LRRIQ1: variants seen among roughly 807,000 people sequenced by gnomAD.
The protein encoded by LRRIQ1 is leucine-rich repeat- and IQ domain-containing protein 1.
LRRIQ1 carries 210 observed loss-of-function variants against 211.9 expected under a neutral mutation model. The ratio of observed to expected loss-of-function variants is 0.99; its 90% CI spans 0.89 to 1.11. The LOEUF is 1.11. Among genes scored for constraint, LRRIQ1 ranks in the 50% most tolerant of loss-of-function variants. The pLI, the probability that LRRIQ1 is intolerant of heterozygous loss-of-function variation, is 0.00. For missense variants in LRRIQ1, 2,136 were observed against 1,939.5 expected (o/e 1.10, Z -1.90); for synonymous variants, 699 against 650.1 (o/e 1.08, Z -1.14).
intron 2 of LRRIQ1, 130 bp downstream of exon 2, chr12:85,038,438 T>TTG: frequency 2.3e-6 from 1 of 435,152 alleles, no homozygotes; most frequent in Non-Finnish European, 3.5e-6. Flanking sequence ...TAAATATAAA[T>TTG]TATATTGAAT....
chr12:85,255,840 C>A (rs1278573252), intron 1 of LRRIQ1, among the ~76,000 whole-genome samples: 1 of 151,562 alleles, frequency 6.6e-6, no homozygotes, highest in East Asian at 1.9e-4. Context: ...AACACTTAAA[C>A]CCTTAAAATA....
intron 24 of LRRIQ1, among the ~76,000 whole-genome samples, chr12:85,225,818 A>C (rs1276354090): frequency 6.6e-6 from 1 of 152,200 alleles, no homozygotes; most frequent in South Asian, 2.1e-4. Context: ...TTCTTCCTAC[A>C]CAAGTTGCTA....
intron 19 of LRRIQ1, among the ~76,000 whole-genome samples, chr12:85,142,851 A>G (rs181883369): frequency 6.6e-6 from 1 of 151,448 alleles, no homozygotes; most frequent in Non-Finnish European, 1.5e-5. Context: ...TTCTTTGTTC[A>G]TGTATCCATT....
At chr12:85,172,808 G>T (rs1232826489) in intron 24 of LRRIQ1, among the ~76,000 whole-genome samples, 1 of 151,978 alleles carries the variant, frequency 6.6e-6, no homozygotes, top group African/African-American at 2.4e-5. Context: ...GATGAAGTGG[G>T]CATTAAAATA....
At chr12:85,250,405 A>G (rs1026876627) in intron 1 of LRRIQ1, among the ~76,000 whole-genome samples, 1 of 151,718 alleles carries the variant, frequency 6.6e-6, no homozygotes, top group African/African-American at 2.4e-5. Flanking sequence ...ATTTCCACAG[A>G]CCTAGCCTAT....
chr12:85,266,814 G>T (rs144369877), downstream of LRRIQ1, among the ~76,000 whole-genome samples: 393 of 152,228 alleles, frequency 2.6e-3, 3 homozygotes, highest in African/African-American at 9.1e-3. Flanking sequence ...AACAAGCCAA[G>T]GTGCTACAGG....
Position 85,251,204 on chromosome 12 carries a change from A to G in LRRIQ1, c.121+6295A>G, listed in dbSNP as rs114758663. 6.2e-3 allele frequency among the ~76,000 whole-genome samples: 932 copies of G among 150,782 alleles called. 7 individuals carry two copies. The highest frequency in any genetic ancestry group is 0.022 in the African/African-American group (898 of 41,162). ...CACAACATTTTAGTCTAGAAAGTGT[A>G]TTTGAGAGAAATTGAGGAAAAGCAT... On this transcript the variant is annotated intron_variant, in intron 1 of 1. Coordinates refer to the LRRIQ1 transcript ENST00000602731.
At chr12:85,038,449 A>G (rs932365140) in intron 2 of LRRIQ1, 141 bp downstream of exon 2, 4 of 393,306 alleles carry the variant, frequency 1.0e-5, no homozygotes, top group East Asian at 6.1e-5. Flanking sequence ...TATATTGAAT[A>G]TATATAGTCA....
chr12:85,240,350 A>G (rs1292503485), intron 26 of LRRIQ1, among the ~76,000 whole-genome samples: 1 of 152,150 alleles, frequency 6.6e-6, no homozygotes. Context: ...TCTCTCATGC[A>G]TTGCTGGTGA....
chr12:85,236,329 G>A (rs1895170514), intron 26 of LRRIQ1, among the ~76,000 whole-genome samples: 1 of 152,110 alleles, frequency 6.6e-6, no homozygotes, highest in Admixed American at 6.6e-5. Context: ...GTATATGACT[G>A]CTGTTTTCAG....
chr12:85,232,875 A>G, intron 26 of LRRIQ1, 119 bp downstream of exon 26: 1 of 685,038 alleles, frequency 1.5e-6, no homozygotes, highest in East Asian at 2.9e-5. Context: ...TCTATTTGGG[A>G]TAATATCAAA....
downstream of LRRIQ1, among the ~76,000 whole-genome samples, chr12:85,245,759 T>C (rs1038420418): frequency 2.0e-5 from 3 of 150,892 alleles, no homozygotes; most frequent in Non-Finnish European, 4.5e-5. Context: ...TACATTTTGT[T>C]AATTTCCCCA....
At chr12:85,125,573 A>G (rs1888319525) in intron 17 of LRRIQ1, among the ~76,000 whole-genome samples, 1 of 152,156 alleles carries the variant, frequency 6.6e-6, no homozygotes, top group Non-Finnish European at 1.5e-5. Context: ...TAACTAGCAA[A>G]TCTTGCTTTT....
chr12:85,098,659 A>T (rs2136279249), intron 12 of LRRIQ1, 111 bp downstream of exon 12: 4 of 884,438 alleles, frequency 4.5e-6, no homozygotes, highest in African/African-American at 3.4e-5. Flanking sequence ...TTCATTTTTC[A>T]CCATGAAGTA....
At chr12:85,175,596 A>G (rs1254382319) in intron 24 of LRRIQ1, among the ~76,000 whole-genome samples, 2 of 152,152 alleles carry the variant, frequency 1.3e-5, no homozygotes, top group Non-Finnish European at 2.9e-5. Flanking sequence ...TATGTCCTGA[A>G]TGGTAATGCC....
intron 24 of LRRIQ1, among the ~76,000 whole-genome samples, chr12:85,209,056 C>T (rs1027648267): frequency 1.3e-5 from 2 of 152,140 alleles, no homozygotes; most frequent in Admixed American, 6.6e-5. Flanking sequence ...AGGGACCAGT[C>T]TAAGATTTAG....
intron 8 of LRRIQ1, among the ~76,000 whole-genome samples, chr12:85,057,499 A>G (rs1266208597): frequency 1.3e-5 from 2 of 152,032 alleles, no homozygotes; most frequent in African/African-American, 4.8e-5. Context: ...GGTTAGAATT[A>G]TAGTAGGAAA....
At chr12:85,258,469 T>C (rs2137327432) in intron 1 of LRRIQ1, among the ~76,000 whole-genome samples, 1 of 152,016 alleles carries the variant, frequency 6.6e-6, no homozygotes, top group South Asian at 2.1e-4. Flanking sequence ...AATCCAAATA[T>C]GGTATAAACA....
chr12:85,176,719 G>A (rs1445880706), intron 24 of LRRIQ1, among the ~76,000 whole-genome samples: 1 of 149,496 alleles, frequency 6.7e-6, no homozygotes, highest in Non-Finnish European at 1.5e-5. Context: ...ATGTGCACAT[G>A]TACCCTAAAA....
Sources: allele counts gnomAD v4.1 joint callset (sites outside exome capture counted in the v4.1 genomes callset), GRCh38; gene constraint gnomAD v4.1.1; transcripts MANE v1.5; gene names NCBI Gene and HGNC (gene_info 2026-07-23, HGNC 2026-07-21).